ILK: variants seen among roughly 807,000 people sequenced by gnomAD.
The protein encoded by ILK is scaffold protein ILK.
A neutral mutation model predicts 57.8 loss-of-function variants in ILK; 37 were observed. The ratio of observed to expected loss-of-function variants is 0.64; its 90% CI spans 0.49 to 0.84. The LOEUF (loss-of-function observed/expected upper bound fraction) is 0.84. Among genes scored for constraint, ILK ranks in the 40% least tolerant of loss-of-function variants. The pLI is 0.00. For missense variants in ILK, 528 were observed against 595.7 expected (o/e 0.89, Z 1.18); for synonymous variants, 231 against 202.2 (o/e 1.14, Z -1.21).
At position 6,608,589 on chromosome 11, in the gene ILK, T is replaced by C. The variant is rs1855176078; in HGVS notation, c.351+100T>C. The stretch of plus-strand genomic sequence containing the variant: ...TCAACCCATTCTGTCAGTACTACTG[T>C]GTGACACTTACAGGATTAAGTTCTA... On this transcript the variant is annotated intron_variant, in intron 4 of 12. Transcript: ENST00000299421. This position sits in a 1 kb window ranked among gnomAD's most constrained non-coding sequence, Gnocchi z 4.9. 1.4e-5 allele frequency: 19 copies of C among 1,328,842 alleles called. No individual in the cohort carries two copies. The South Asian group carries it at 2.2e-4, about 16-fold the overall frequency. The allele number at this position is 1,328,842 out of a possible 1,614,324, so 82.3% of individuals were successfully genotyped here. A position where few individuals can be genotyped will look rare whatever the true frequency, so the allele number is the denominator to read the frequency against.
intron 2 of ILK, among the ~76,000 whole-genome samples, chr11:6,605,106 T>C (rs544004141): frequency 1.3e-5 from 2 of 152,330 alleles, no homozygotes; most frequent in South Asian, 4.1e-4. Flanking sequence ...TGAGGCATTT[T>C]ATTTTGGACA....
chr11:6,604,280 C>G lies in ILK; in HGVS notation c.9C>G (p.Asp3Glu), dbSNP rs1854595621. The change falls in exon 2 of 13, where the codon GAC (aspartate) becomes GAG (glutamate). Residue 3 changes from aspartate to glutamate, a missense_variant. Physicochemically the swap from Asp to Glu is conservative, Grantham distance 45 (BLOSUM62 2). Coordinates refer to ENST00000299421, the MANE Select transcript of ILK (RefSeq NM_004517.4). MD[D>E]IFTQCREGNA... Reference sequence around the variant, plus strand: ...GGCGCCGGGACGCTGCTATGGACGACATTTTCACTCAGTGCCGGGAGGGCA... The same window carrying G: ...GGCGCCGGGACGCTGCTATGGACGAGATTTTCACTCAGTGCCGGGAGGGCA... 1 of 1,612,324 alleles carries G rather than the reference C, an allele frequency of 6.2e-7. No individual in the cohort carries two copies.
intron 2 of ILK, 112 bp downstream of exon 2, chr11:6,604,472 T>A: frequency 1.1e-6 from 1 of 928,812 alleles, no homozygotes. Context: ...GTGTAATGAG[T>A]GCTAAGCATA....
Position 6,608,573 on chromosome 11 carries a change from T to G in ILK, c.351+84T>G. The G allele has an allele frequency of 7.4e-7, 1 of 1,359,462 alleles. No homozygotes were observed. The highest frequency in any genetic ancestry group is 1.1e-6 in the Non-Finnish European group (1 of 947,882). 84.2% of individuals were successfully genotyped at this position (1,359,462 alleles called of 1,614,324 possible). A position where few individuals can be genotyped will look rare whatever the true frequency, so the allele number is the denominator to read the frequency against. ...GGAGATTTTGGAACCCTCAACCCATTCTGTCAGTACTACTGTGTGACACTT... is the reference window on the plus strand; with the variant it reads ...GGAGATTTTGGAACCCTCAACCCATGCTGTCAGTACTACTGTGTGACACTT... On this transcript the variant is annotated intron_variant, in intron 4 of 12. Coordinates refer to ENST00000299421, the MANE Select transcript of ILK (RefSeq NM_004517.4). The surrounding 1 kb of genome is among the most constrained non-coding windows in gnomAD (Gnocchi z 4.9).
chr11:6,609,905 T>C (rs2134569550), intron 10 of ILK, 31 bp from the exon 11 acceptor site: 2 of 1,614,174 alleles, frequency 1.2e-6, no homozygotes, highest in African/African-American at 1.3e-5. Flanking sequence ...ATCTATGACT[T>C]ACCTCCTTCT....
chr11:6,604,461 A>G, intron 2 of ILK, 101 bp downstream of exon 2: 4 of 996,768 alleles, frequency 4.0e-6, no homozygotes, highest in Non-Finnish European at 6.2e-6. Flanking sequence ...TTTGCTAGCC[A>G]GTGTAATGAG....
chr11:6,608,289 A>T lies in ILK; in HGVS notation c.255+78A>T, dbSNP rs1049153289. On this transcript the variant is annotated intron_variant, in intron 3 of 12. Coordinates refer to ENST00000299421, the MANE Select transcript of ILK (RefSeq NM_004517.4). This position sits in a 1 kb window ranked among gnomAD's most constrained non-coding sequence, Gnocchi z 4.9. ...TCACAGGCACTGTAACATACAGTAG[A>T]AAGCATGTGTGCTCTTCCCCCTTTT... The T allele has an allele frequency of 6.3e-6, 10 of 1,577,458 alleles. No individual in the cohort carries two copies. The African/African-American group carries it at 1.2e-4, about 19-fold the overall frequency.
chr11:6,609,598 T>C lies in ILK; in HGVS notation c.815T>C (p.Met272Thr), dbSNP rs1244048050. 5 of 1,614,088 alleles carry C rather than the reference T, an allele frequency of 3.1e-6. No homozygotes were observed. Among genetic ancestry groups the C allele is most frequent in the Non-Finnish European group, 4.2e-6 (5 of 1,180,048 alleles). ...CATCCTACTCTCATCACACACTGGATGCCGTATGGATCCCTCTACAATGTA... is the reference window on the plus strand; with the variant it reads ...CATCCTACTCTCATCACACACTGGACGCCGTATGGATCCCTCTACAATGTA... ...APHPTLITHW[M>T]PYGSLYNVLH... Residue 272 changes from methionine (M) to threonine (T), a missense_variant, in exon 9 of 13, where the codon ATG becomes ACG. Physicochemically the swap from Met to Thr is moderately conservative, Grantham distance 81. Transcript: ENST00000299421.
At chr11:6,605,094 G>A (rs1854722714) in intron 2 of ILK, among the ~76,000 whole-genome samples, 1 of 152,186 alleles carries the variant, frequency 6.6e-6, no homozygotes, top group South Asian at 2.1e-4. Context: ...AAAACTGGAG[G>A]ATGAGGCATT....
chr11:6,604,401 TCTC>T (rs1854613313), intron 2 of ILK, 41 bp downstream of exon 2: 2 of 1,536,584 alleles, frequency 1.3e-6, no homozygotes, highest in South Asian at 1.2e-5. Context: ...AGGCTAGAGA[TCTC>T]CTGGCTACGT....
Position 6,609,999 on chromosome 11 carries a change from G to A in ILK, c.1042G>A (p.Gly348Ser). 6.2e-7 allele frequency: 1 copy of A among 1,614,192 alleles called. No homozygotes were observed. The highest frequency in any genetic ancestry group is 2.2e-5 in the East Asian group (1 of 44,892). ...TGTCAAGTTCTCTTTCCAATGTCCT[G>A]GTCGCATGTATGCACCTGCCTGGGT... is the stretch of plus-strand genomic sequence containing the variant. ...ADVKFSFQCPGRMYAPAWVAP... is the reference protein window; with the variant it reads ...ADVKFSFQCPSRMYAPAWVAP... The change falls in exon 11 of 13, where the codon GGT becomes AGT. Residue 348 changes from glycine (G) to serine (S), a missense_variant. Transcript: ENST00000299421.
Position 6,610,852 on chromosome 11 carries a change from A to G in ILK, c.*241A>G, listed in dbSNP as rs1035116395. The stretch of plus-strand genomic sequence containing the variant: ...GGAGGGATCAGCCCCGCCTGTCACA[A>G]TAAAGTTTATTATGAAAACAGGCTG... On this transcript the variant is annotated 3_prime_UTR_variant, in exon 13 of 13. Coordinates refer to ENST00000299421, the MANE Select transcript of ILK (RefSeq NM_004517.4). 2 of 1,570,368 alleles carry G rather than the reference A, an allele frequency of 1.3e-6. No homozygotes were observed. Among genetic ancestry groups the G allele is most frequent in the South Asian group, 2.2e-5 (2 of 89,894 alleles).
At chr11:6,609,025 G>C in intron 6 of ILK, 46 bp from the exon 7 acceptor site, 9 of 1,612,326 alleles carry the variant, frequency 5.6e-6, no homozygotes, top group Non-Finnish European at 7.6e-6. Flanking sequence ...GCCTCTTGGG[G>C]CTGGGTTAGG....
intron 2 of ILK, among the ~76,000 whole-genome samples, chr11:6,605,570 G>C (rs4758442): frequency 2.6e-5 from 4 of 151,410 alleles, no homozygotes; most frequent in Non-Finnish European, 5.9e-5. Context: ...GGTAAACTCA[G>C]GTCATGGAGG....
intron 1 of ILK, 65 bp from the exon 2 acceptor site, chr11:6,604,115 A>T: frequency 1.4e-6 from 1 of 700,928 alleles, no homozygotes; most frequent in Non-Finnish European, 2.5e-6. Context: ...TCCTTCACAG[A>T]CCCCCACTAG....
rs73395109 is a variant in ILK, at chr11:6,604,780, A to G, written c.89+420A>G. ...CAGATCATGCAAGCATATTTAGGCT[A>G]TAAGAAGGTCTTTATTTTAAAAGCA... On this transcript the variant is annotated intron_variant, in intron 2 of 12. Transcript: ENST00000299421. 1.7e-3 allele frequency: 807 copies of G among 467,390 alleles called. 6 individuals carry two copies. Among genetic ancestry groups the G allele is most frequent in the African/African-American group, 0.014 (728 of 50,624 alleles). 29.0% of individuals were successfully genotyped at this position (467,390 alleles called of 1,614,324 possible).
At chr11:6,604,429 A>G in intron 2 of ILK, 69 bp downstream of exon 2, 1 of 1,388,924 alleles carries the variant, frequency 7.2e-7, no homozygotes, top group African/African-American at 1.4e-5. Context: ...TGGAGTGCTC[A>G]TGTCTGGTGG....
Position 6,610,847 on chromosome 11 carries a change from T to C in ILK, c.*236T>C. On this transcript the variant is annotated 3_prime_UTR_variant, in exon 13 of 13. Transcript: ENST00000299421. ...ACATGGGAGGGATCAGCCCCGCCTG[T>C]CACAATAAAGTTTATTATGAAAACA... 6.4e-7 allele frequency: 1 copy of C among 1,556,534 alleles called. No homozygotes were observed. Among genetic ancestry groups the C allele is most frequent in the South Asian group, 1.1e-5 (1 of 89,420 alleles).
At position 6,610,159 on chromosome 11, in the gene ILK, A is replaced by C. The variant is rs865878764; in HGVS notation, c.1090A>C (p.Lys364Gln). ...CCCTATCTCTCCAGCTCTGCAGAAG[A>C]AGCCTGAAGACACAAACAGACGCTC... is the stretch of plus-strand genomic sequence containing the variant. ...AWVAPEALQK[K>Q]PEDTNRRSAD... The change falls in exon 12 of 13, where the codon AAG becomes CAG. Residue 364 changes from lysine (K) to glutamine (Q), a missense_variant. Lys to Gln is a moderately conservative substitution (Grantham distance 53). Transcript: ENST00000299421. The C allele has an allele frequency of 8.7e-6, 14 of 1,614,230 alleles. No homozygotes were observed. In the East Asian group the frequency reaches 2.2e-4, roughly 26 times the overall value.
Sources: gnomAD v4.1 joint callset for allele counts (sites outside exome capture counted in the v4.1 genomes callset) on GRCh38, gnomAD v4.1.1 for gene constraint, Gnocchi (gnomAD v3.1) non-coding constraint, MANE v1.5 for transcripts, NCBI Gene and HGNC (gene_info 2026-07-23, HGNC 2026-07-21) for gene names.